PSG6: variants seen among roughly 807,000 people sequenced by gnomAD.
The protein encoded by PSG6 is pregnancy-specific beta-1-glycoprotein 6.
PSG6 carries 51 observed loss-of-function variants against 43.3 expected under a neutral mutation model. The ratio of observed to expected loss-of-function variants is 1.18; its 90% CI spans 0.94 to 1.49. The LOEUF is 1.49. Among genes scored for constraint, PSG6 ranks in the 40% most tolerant of loss-of-function variants. The pLI, the probability that PSG6 is intolerant of heterozygous loss-of-function variation, is 0.00. For synonymous variants in PSG6, 292 were observed against 197.6 expected (o/e 1.48, Z -4.01); for missense variants, 770 against 522.2 (o/e 1.47, Z -4.62).
At chr19:42,904,449 A>G (rs1423638687) in intron 5 of PSG6, among the ~76,000 whole-genome samples, 3 of 151,748 alleles carry the variant, frequency 2.0e-5, no homozygotes, top group Admixed American at 1.3e-4. Flanking sequence ...ATGTTGCACA[A>G]TACAAAATCA....
chr19:42,910,398 C>G, intron 3 of PSG6, 182 bp downstream of exon 3: 1 of 1,488,378 alleles, frequency 6.7e-7, no homozygotes, highest in South Asian at 1.2e-5. Flanking sequence ...AGCCTCTTCT[C>G]TCTTATTGTT....
Position 42,916,412 on chromosome 19 carries a change from T to C in PSG6, c.140A>G (p.Glu47Gly), listed in dbSNP as rs1442758464. Residue 47 changes from glutamate (E) to glycine (G), a missense_variant, in exon 2 of 6, where the codon GAG (glutamate) becomes GGG (glycine). Glu to Gly is a moderately conservative substitution (Grantham distance 98). Transcript: ENST00000187910. ...GACAAGTAGAAGAACATCCTTCCCC[T>C]CGGAAACTTTGGGTGGCTTGGCTTC... ...IIEAKPPKVS[E>G]GKDVLLLVHN... 6.2e-7 allele frequency: 1 copy of C among 1,611,920 alleles called. No individual in the cohort carries two copies. Among genetic ancestry groups the C allele is most frequent in the Non-Finnish European group, 8.5e-7 (1 of 1,179,062 alleles).
At chr19:42,902,718 T>C (rs1600536658) in intron 5 of PSG6, among the ~76,000 whole-genome samples, 1 of 151,552 alleles carries the variant, frequency 6.6e-6, no homozygotes, top group African/African-American at 2.4e-5. Flanking sequence ...ACTACCTTCA[T>C]GCCTGCCCCA....
intron 2 of PSG6, among the ~76,000 whole-genome samples, chr19:42,914,815 G>C (rs1486571516): frequency 2.0e-5 from 3 of 151,602 alleles, no homozygotes. Flanking sequence ...GGTGTGAGTG[G>C]GGAAAGAAAA....
chr19:42,907,465 C>A, intron 4 of PSG6, 111 bp downstream of exon 4: 1 of 1,552,922 alleles, frequency 6.4e-7, no homozygotes, highest in South Asian at 1.3e-5. Flanking sequence ...GGTCTGATGT[C>A]CAGAAGTAAA....
At chr19:42,911,523 A>G (rs565650964) in intron 2 of PSG6, among the ~76,000 whole-genome samples, 24 of 151,820 alleles carry the variant, frequency 1.6e-4, no homozygotes, top group African/African-American at 5.3e-4. Flanking sequence ...GGAATGACCT[A>G]CAAAGAGTGA....
Position 42,907,152 on chromosome 19 carries a change from T to C in PSG6, c.1010A>G (p.Tyr337Cys). The change falls in exon 5 of 6, where the codon TAC becomes TGC. Residue 337 changes from tyrosine to cysteine, a missense_variant. By Grantham distance (194) the Tyr-to-Cys change is radical. Coordinates refer to ENST00000187910, the MANE Select transcript of PSG6 (RefSeq NM_001031850.4). Reference protein sequence around the residue: ...VLYGPDLPRIYPSFTYYRSGE... With the variant: ...VLYGPDLPRICPSFTYYRSGE... ...TGAACGGTAATAGGTGAATGAAGGG[T>C]AAATTCTGGGGAGGTCTGGACCATC... 1.2e-6 allele frequency: 2 copies of C among 1,612,372 alleles called. No homozygotes were observed. Among genetic ancestry groups the C allele is most frequent in the Non-Finnish European group, 1.7e-6 (2 of 1,179,128 alleles).
In PSG6 at chr19:42,906,969, G is replaced by T; in HGVS notation, c.1193C>A (p.Ser398Ter). 1 of 1,612,456 alleles carries T rather than the reference G, an allele frequency of 6.2e-7. No homozygotes were observed. The highest frequency in any genetic ancestry group is 8.5e-7 in the Non-Finnish European group (1 of 1,179,116). Residue 398 changes from serine (S) to a stop codon, truncating the protein, a stop_gained, in exon 5 of 6, where the codon TCA becomes TAA. Transcript: ENST00000187910. LOFTEE classifies it low-confidence loss of function (END_TRUNC). ...SGLYACSVRN[S>*]ATGKEISKSM... ...TTTGGAGATTTCCTTGCCAGTGGCT[G>T]AGTTACGAACAGAGCAAGCATAGAG...
chr19:42,908,673 C>T (rs1332628987), intron 3 of PSG6, among the ~76,000 whole-genome samples: 1 of 151,654 alleles, frequency 6.6e-6, no homozygotes, highest in East Asian at 1.9e-4. Context: ...TTTGCAAATG[C>T]AGAACTGAGT....
chr19:42,917,501 T>G (rs760514552), intron 1 of PSG6, among the ~76,000 whole-genome samples: 2 of 150,866 alleles, frequency 1.3e-5, no homozygotes, highest in Non-Finnish European at 3.0e-5. Flanking sequence ...AAGCTGGGAT[T>G]ACAGGAGCAC....
At position 42,917,598 on chromosome 19, in the gene PSG6, C is replaced by T. The variant is rs535976776; in HGVS notation, c.64+131G>A. On this transcript the variant is annotated intron_variant, in intron 1 of 5. Transcript: ENST00000187910. ...CAGACTGATCTTGAACTCCTGATCT[C>T]GTGATCCACCCACCTCAGCCTCCCT... 3.9e-5 allele frequency: 54 copies of T among 1,381,592 alleles called. 2 individuals carry two copies. Among genetic ancestry groups the T allele is most frequent in the Admixed American group, 3.9e-4 (20 of 51,822 alleles). 85.6% of individuals were successfully genotyped at this position (1,381,592 alleles called of 1,614,324 possible). A position where few individuals can be genotyped will look rare whatever the true frequency, so the allele number is the denominator to read the frequency against.
chr19:42,916,105 G>T lies in PSG6; in HGVS notation c.427+20C>A. On this transcript the variant is annotated intron_variant, in intron 2 of 5. Transcript: ENST00000187910. ...TGACCCCTGCCCCCCAACACCCAGG[G>T]ATCATGCGGAATCACTCACAGTATA... The T allele has an allele frequency of 1.2e-6, 2 of 1,608,876 alleles. No individual in the cohort carries two copies. Among genetic ancestry groups the T allele is most frequent in the South Asian group, 2.2e-5 (2 of 89,600 alleles).
intron 2 of PSG6, among the ~76,000 whole-genome samples, chr19:42,913,536 T>A (rs7246132): frequency 0.054 from 8,192 of 151,658 alleles, 816 homozygotes; most frequent in African/African-American, 0.19. Flanking sequence ...CAAGCTTGTT[T>A]TATGCCTGAC....
At position 42,902,090 on chromosome 19, in the gene PSG6, C is replaced by A; in HGVS notation, c.*322G>T. On this transcript the variant is annotated 3_prime_UTR_variant, in exon 6 of 6. Coordinates refer to ENST00000187910, the MANE Select transcript of PSG6 (RefSeq NM_001031850.4). ...ATAAAGAGAGCAGATTCTTACTGAA[C>A]TTGTGCAAATAACTTTATTACCATA... 1 of 249,958 alleles carries A rather than the reference C, an allele frequency of 4.0e-6. No homozygotes were observed. Among genetic ancestry groups the A allele is most frequent in the South Asian group, 6.8e-5 (1 of 14,768 alleles). The allele number at this position is 249,958 out of a possible 1,614,324, so 15.5% of individuals were successfully genotyped here.
chr19:42,907,902 C>A, intron 3 of PSG6, 48 bp from the exon 4 acceptor site: 1 of 1,596,526 alleles, frequency 6.3e-7, no homozygotes, highest in Non-Finnish European at 8.5e-7. Context: ...TTGATTCCTC[C>A]ACAGGCATCC....
intron 5 of PSG6, chr19:42,903,629 G>C: frequency 6.7e-7 from 1 of 1,487,870 alleles, no homozygotes; most frequent in Admixed American, 2.3e-5. Flanking sequence ...GGTGGGTCAT[G>C]TTTTAATCCT....
At chr19:42,906,303 C>T (rs543505182) in intron 5 of PSG6, among the ~76,000 whole-genome samples, 3 of 151,550 alleles carry the variant, frequency 2.0e-5, no homozygotes, top group South Asian at 2.1e-4. Context: ...CAGCCTGGCC[C>T]GGGGGAGGCT....
Position 42,911,980 on chromosome 19 carries a change from A to G in PSG6, c.428-1122T>C, listed in dbSNP as rs552888012. Among the ~76,000 whole-genome samples, 17 of 151,746 alleles carry G rather than the reference A, an allele frequency of 1.1e-4. 2 individuals carry two copies. The highest frequency in any genetic ancestry group is 4.1e-4 in the African/African-American group (17 of 41,348). ...AGGAGGTTCTAGAGATCTCCTGTGC[A>G]GCCTCGTGCCTATACTTCATGCAGA... On this transcript the variant is annotated intron_variant, in intron 2 of 5. Transcript: ENST00000187910.
chr19:42,904,717 A>T (rs1413901402), intron 5 of PSG6, among the ~76,000 whole-genome samples: 1 of 151,688 alleles, frequency 6.6e-6, no homozygotes, highest in East Asian at 1.9e-4. Flanking sequence ...AGTGCTGCCC[A>T]AAGTGAGCTG....
Sources: gnomAD v4.1 joint callset for allele counts (sites outside exome capture counted in the v4.1 genomes callset) on GRCh38, gnomAD v4.1.1 for gene constraint, MANE v1.5 for transcripts, NCBI Gene and HGNC (gene_info 2026-07-23, HGNC 2026-07-21) for gene names.